Variants in CDH8 observed in about 807,000 individuals in gnomAD.
CDH8 encodes the protein cadherin 8.
In CDH8, 17 loss-of-function variants were observed where a neutral mutation model predicts 68.1. The observed-to-expected ratio is 0.25, with a 90% CI of 0.17 to 0.37. CDH8 has a LOEUF of 0.37. Ranked by LOEUF, CDH8 falls within the 10% of genes least tolerant of loss-of-function variation. The pLI is 1.00. For synonymous variants in CDH8, 372 were observed against 365.1 expected, an observed-to-expected ratio of 1.02 and a Z score of -0.21; for missense variants, 763 against 999.3, an observed-to-expected ratio of 0.76 and a Z score of 3.19.
chr16:61,897,275 C>G (rs921586684), intron 3 of CDH8, among the ~76,000 whole-genome samples: 2 of 151,192 alleles, frequency 1.3e-5, no homozygotes, highest in Non-Finnish European at 2.9e-5. Flanking sequence ...TTTTTTGAGA[C>G]GGAGTCTCGC....
chr16:61,965,385 C>G (rs192777361), intron 2 of CDH8, among the ~76,000 whole-genome samples: 1 of 152,284 alleles, frequency 6.6e-6, no homozygotes, highest in East Asian at 1.9e-4. Context: ...ACGTCCACTG[C>G]TGAACTGCCA....
chr16:62,022,446 G>A (rs1902096636), intron 1 of CDH8, among the ~76,000 whole-genome samples: 1 of 152,080 alleles, frequency 6.6e-6, no homozygotes, highest in Admixed American at 6.6e-5. Context: ...TTCAACTGAA[G>A]AGATTCAGAA....
intron 2 of CDH8, among the ~76,000 whole-genome samples, chr16:61,993,675 C>A (rs534335724): frequency 1.7e-4 from 26 of 152,164 alleles, no homozygotes; most frequent in Non-Finnish European, 3.1e-4. Context: ...TCCAGTTCCT[C>A]CTTCCAGAAG....
intron 8 of CDH8, among the ~76,000 whole-genome samples, chr16:61,758,345 A>G (rs1264682249): frequency 1.3e-5 from 2 of 152,184 alleles, no homozygotes; most frequent in East Asian, 3.9e-4. Flanking sequence ...TACCTAAACA[A>G]AATGTGAATA....
At chr16:61,855,352 G>T (rs1453318894) in intron 4 of CDH8, among the ~76,000 whole-genome samples, 1 of 152,076 alleles carries the variant, frequency 6.6e-6, no homozygotes, top group Non-Finnish European at 1.5e-5. Flanking sequence ...TTAGCAGGGG[G>T]CTTTTATTAT....
At chr16:61,874,560 T>C (rs939499488) in intron 3 of CDH8, among the ~76,000 whole-genome samples, 1 of 152,050 alleles carries the variant, frequency 6.6e-6, no homozygotes, top group Admixed American at 6.6e-5. Context: ...CTCAATCTCC[T>C]GACCTCGTGA....
At position 61,662,423 on chromosome 16, in the gene CDH8, G is replaced by T. The variant is rs190707207; in HGVS notation, c.1655-6702C>A. On this transcript the variant is annotated intron_variant, in intron 10 of 11. Transcript: ENST00000577390. ...ATACAAGAGAGAAATTTTTCTAGAAGTAAAAAATATATGAAAAAAGAGAGG... is the reference window on the plus strand; with the variant it reads ...ATACAAGAGAGAAATTTTTCTAGAATTAAAAAATATATGAAAAAAGAGAGG... 3.3e-5 allele frequency among the ~76,000 whole-genome samples: 5 copies of T among 151,406 alleles called. No individual in the cohort carries two copies. In the East Asian group the frequency reaches 9.7e-4, roughly 29 times the overall value.
chr16:61,782,286 G>A (rs548076542), intron 8 of CDH8, among the ~76,000 whole-genome samples: 57 of 152,336 alleles, frequency 3.7e-4, no homozygotes, highest in African/African-American at 1.2e-3. Flanking sequence ...GGAAGCACAA[G>A]GGGTCAGGGA....
chr16:61,768,304 G>GTGTC (rs1164507960), intron 8 of CDH8, among the ~76,000 whole-genome samples: 1 of 73,684 alleles, frequency 1.4e-5, no homozygotes, highest in Non-Finnish European at 2.9e-5. Context: ...CTCTCTCTGT[G>GTGTC]TCTCTCCCTT....
At chr16:61,861,462 TA>T (rs1318641439) in intron 3 of CDH8, among the ~76,000 whole-genome samples, 4 of 152,216 alleles carry the variant, frequency 2.6e-5, no homozygotes, top group African/African-American at 9.6e-5. Flanking sequence ...CTGTTGATCT[TA>T]TCTTATTATG....
chr16:61,706,922 T>C (rs1964546403), intron 10 of CDH8, among the ~76,000 whole-genome samples: 1 of 152,192 alleles, frequency 6.6e-6, no homozygotes, highest in Non-Finnish European at 1.5e-5. Context: ...TCCAGCCAAA[T>C]GAAAAAGAAC....
intron 4 of CDH8, among the ~76,000 whole-genome samples, chr16:61,845,254 TTTA>T (rs1396074702): frequency 6.6e-6 from 1 of 152,120 alleles, no homozygotes; most frequent in African/African-American, 2.4e-5. Context: ...AACACAGTCA[TTTA>T]TTATTATCTT....
At chr16:61,791,092 T>C (rs566609945) in intron 7 of CDH8, among the ~76,000 whole-genome samples, 6 of 152,120 alleles carry the variant, frequency 3.9e-5, no homozygotes, top group African/African-American at 1.4e-4. Flanking sequence ...TGAAAAAATA[T>C]ATTATGAAAT....
chr16:61,699,017 C>G (rs1429032081), intron 10 of CDH8, among the ~76,000 whole-genome samples: 2 of 152,154 alleles, frequency 1.3e-5, no homozygotes, highest in Admixed American at 6.5e-5. Flanking sequence ...GAATATACTT[C>G]AAGTTGGTTT....
intron 7 of CDH8, among the ~76,000 whole-genome samples, chr16:61,809,079 G>A (rs897510633): frequency 2.6e-5 from 4 of 152,010 alleles, no homozygotes; most frequent in Non-Finnish European, 4.4e-5. Flanking sequence ...CCAGTTACTC[G>A]GGAAGCTGAG....
At chr16:61,809,043 G>A (rs28661286) in intron 7 of CDH8, among the ~76,000 whole-genome samples, 4 of 152,160 alleles carry the variant, frequency 2.6e-5, no homozygotes, top group East Asian at 1.9e-4. Context: ...AAAATTAGAC[G>A]GGCATGGTGG....
chr16:61,946,326 C>CTA (rs1301640355), intron 2 of CDH8, among the ~76,000 whole-genome samples: 1 of 152,156 alleles, frequency 6.6e-6, no homozygotes, highest in Non-Finnish European at 1.5e-5. Flanking sequence ...GAACTCTTTT[C>CTA]TATTTCTGTA....
chr16:61,778,214 A>C (rs983197551), intron 8 of CDH8, among the ~76,000 whole-genome samples: 1 of 152,092 alleles, frequency 6.6e-6, no homozygotes, highest in Non-Finnish European at 1.5e-5. Flanking sequence ...TTCACCCTGC[A>C]CAAGGGAATA....
intron 9 of CDH8, among the ~76,000 whole-genome samples, chr16:61,719,379 G>A (rs1448163439): frequency 6.6e-6 from 1 of 150,968 alleles, no homozygotes; most frequent in Non-Finnish European, 1.5e-5. Context: ...TACCTTTCTT[G>A]AAACTAAATT....
Sources: gnomAD v4.1 joint callset for allele counts (sites outside exome capture counted in the v4.1 genomes callset) on GRCh38, gnomAD v4.1.1 for gene constraint, MANE v1.5 for transcripts, NCBI Gene and HGNC (gene_info 2026-07-23, HGNC 2026-07-21) for gene names.